CFAP20DC: variants seen among roughly 807,000 people sequenced by gnomAD.
CFAP20DC encodes the protein protein CFAP20DC.
CFAP20DC carries 84 observed loss-of-function variants against 101.7 expected under a neutral mutation model. The ratio of observed to expected loss-of-function variants is 0.83; its 90% CI spans 0.69 to 0.99. The LOEUF is 0.99. Ranked by LOEUF, CFAP20DC falls within the 50% of genes least tolerant of loss-of-function variation. CFAP20DC has a pLI of 0.00. For synonymous variants in CFAP20DC, 359 were observed against 351.2 expected (o/e 1.02, Z -0.25); for missense variants, 1,007 against 970.3 (o/e 1.04, Z -0.50).
At chr3:59,005,477 C>T (rs1196130409) in intron 4 of CFAP20DC, among the ~76,000 whole-genome samples, 2 of 152,172 alleles carry the variant, frequency 1.3e-5, no homozygotes, top group Admixed American at 6.5e-5. Flanking sequence ...ACACTATGTT[C>T]TGTGGTAAAA....
At chr3:58,765,488 A>AAAAC (rs1559559537) in intron 15 of CFAP20DC, among the ~76,000 whole-genome samples, 1 of 139,652 alleles carries the variant, frequency 7.2e-6, no homozygotes, top group Non-Finnish European at 1.5e-5. Flanking sequence ...AAAAAAAAAA[A>AAAAC]CCAAAAAAAA....
chr3:58,943,803 A>G (rs994773480), intron 4 of CFAP20DC, among the ~76,000 whole-genome samples: 2 of 152,298 alleles, frequency 1.3e-5, no homozygotes, highest in Admixed American at 6.5e-5. Flanking sequence ...TTTTAACCCA[A>G]TGCAAGGTAG....
intron 14 of CFAP20DC, among the ~76,000 whole-genome samples, chr3:58,817,997 A>C (rs1333208470): frequency 6.6e-6 from 1 of 150,886 alleles, no homozygotes; most frequent in African/African-American, 2.5e-5. Flanking sequence ...AACATTCTTA[A>C]AGAAAAGAAT....
rs1299888068 is a variant in CFAP20DC, at chr3:58,795,708, T to G, written c.2237+10687A>C. Among the ~76,000 whole-genome samples the G allele has an allele frequency of 1.3e-5, 2 of 152,152 alleles. No homozygotes were observed. The highest frequency in any genetic ancestry group is 4.8e-5 in the African/African-American group (2 of 41,444). On this transcript the variant is annotated intron_variant, in intron 15 of 16. Transcript: ENST00000482387. This position sits in a 1 kb window ranked among gnomAD's most constrained non-coding sequence, Gnocchi z 4.2. ...TCTGTCTTTTCAGACACAGAAGCCT[T>G]TGGGAGGTGAGGGGAGAAGATGTGA...
rs75000862 is a variant in CFAP20DC, at chr3:58,828,256, T to A, written c.2175+3430A>T. ...TCACTAATGTGAATAATAATGATAA[T>A]AATAATGACAGCTAAACTTCATTTA... On this transcript the variant is annotated intron_variant, in intron 14 of 16. Transcript: ENST00000482387. 9.7e-3 allele frequency among the ~76,000 whole-genome samples: 1,477 copies of A among 152,248 alleles called. 26 individuals carry two copies. The highest frequency in any genetic ancestry group is 0.034 in the African/African-American group (1,392 of 41,542).
intron 4 of CFAP20DC, among the ~76,000 whole-genome samples, chr3:58,978,583 T>C (rs2092383242): frequency 6.6e-6 from 1 of 151,666 alleles, no homozygotes; most frequent in African/African-American, 2.4e-5. Context: ...GTGGTACACG[T>C]CTGTAATCCC....
intron 4 of CFAP20DC, among the ~76,000 whole-genome samples, chr3:59,032,757 G>A (rs909185219): frequency 3.9e-5 from 6 of 152,110 alleles, no homozygotes; most frequent in East Asian, 1.9e-4. Context: ...GGGAAGGGGC[G>A]GCTGTGGGCA....
intron 15 of CFAP20DC, 101 bp from the exon 16 acceptor site, chr3:58,753,964 CT>C: frequency 1.4e-6 from 1 of 699,892 alleles, no homozygotes; most frequent in Non-Finnish European, 2.4e-6. Context: ...AAAAGAAACA[CT>C]TTTTTTCCTC....
intron 14 of CFAP20DC, among the ~76,000 whole-genome samples, chr3:58,806,943 C>T (rs572699338): frequency 2.0e-4 from 30 of 152,290 alleles, no homozygotes; most frequent in Admixed American, 4.6e-4. Flanking sequence ...AAGGGTCCTA[C>T]GCCCACGGAG....
intron 4 of CFAP20DC, among the ~76,000 whole-genome samples, chr3:59,030,551 C>A (rs1468926804): frequency 6.6e-6 from 1 of 152,106 alleles, no homozygotes; most frequent in African/African-American, 2.4e-5. Context: ...AAAACTGAAA[C>A]CATTTGGAAA....
At chr3:58,932,834 G>A (rs1384408723) in intron 5 of CFAP20DC, among the ~76,000 whole-genome samples, 1 of 152,150 alleles carries the variant, frequency 6.6e-6, no homozygotes, top group Non-Finnish European at 1.5e-5. Context: ...AAATTGTAAA[G>A]ACCATCGAGG....
At chr3:59,038,720 T>G (rs542050079) in intron 4 of CFAP20DC, among the ~76,000 whole-genome samples, 4 of 152,146 alleles carry the variant, frequency 2.6e-5, no homozygotes, top group African/African-American at 9.7e-5. Context: ...AAACCCCATA[T>G]AAGATGGTGA....
intron 13 of CFAP20DC, among the ~76,000 whole-genome samples, chr3:58,843,039 T>C (rs2077284689): frequency 6.6e-6 from 1 of 151,958 alleles, no homozygotes; most frequent in African/African-American, 2.4e-5. Flanking sequence ...AGACCAAAAG[T>C]AGATAAAACC....
Position 58,869,609 on chromosome 3 carries a change from T to C in CFAP20DC, c.853-119A>G, listed in dbSNP as rs1015897053. The C allele has an allele frequency of 1.4e-5, 10 of 705,118 alleles. No individual in the cohort carries two copies. The highest frequency in any genetic ancestry group is 2.2e-5 in the Non-Finnish European group (10 of 460,954). The allele number at this position is 705,118 out of a possible 1,614,324, so 43.7% of individuals were successfully genotyped here. A position where few individuals can be genotyped will look rare whatever the true frequency, so the allele number is the denominator to read the frequency against. The stretch of plus-strand genomic sequence containing the variant: ...AGAGTGAGAAAAAAACTAGAGGAAA[T>C]GAGGTTAAGATGTGAAGAAAAAGGA... On this transcript the variant is annotated intron_variant, in intron 8 of 16. Transcript: ENST00000482387. This position sits in a 1 kb window ranked among gnomAD's most constrained non-coding sequence, Gnocchi z 4.3.
intron 12 of CFAP20DC, among the ~76,000 whole-genome samples, chr3:58,851,745 GA>G (rs1181792346): frequency 4.0e-5 from 6 of 148,654 alleles, no homozygotes; most frequent in South Asian, 4.3e-4. Flanking sequence ...ATTACTAACT[GA>G]AAAAAAAACA....
chr3:58,777,957 C>T (rs2071485297), intron 15 of CFAP20DC, among the ~76,000 whole-genome samples: 1 of 152,208 alleles, frequency 6.6e-6, no homozygotes, highest in African/African-American at 2.4e-5. Flanking sequence ...CTGTGTCCTA[C>T]TCTGCCACTG....
intron 4 of CFAP20DC, among the ~76,000 whole-genome samples, chr3:59,019,312 T>A (rs1176941347): frequency 6.6e-6 from 1 of 152,198 alleles, no homozygotes; most frequent in East Asian, 1.9e-4. Context: ...CCTTTTCTCC[T>A]GAGCATACAA....
chr3:59,035,515 C>A (rs1158905749), intron 4 of CFAP20DC, among the ~76,000 whole-genome samples: 2 of 152,156 alleles, frequency 1.3e-5, no homozygotes, highest in Non-Finnish European at 2.9e-5. Context: ...GGGGATTTCA[C>A]CACTGATCCC....
chr3:59,003,127 A>C (rs954412923), intron 4 of CFAP20DC, among the ~76,000 whole-genome samples: 1 of 152,252 alleles, frequency 6.6e-6, no homozygotes, highest in Non-Finnish European at 1.5e-5. Context: ...AAGGCTTTAA[A>C]AATTATGAAA....
Sources: allele counts gnomAD v4.1 joint callset (sites outside exome capture counted in the v4.1 genomes callset), GRCh38; gene constraint gnomAD v4.1.1; non-coding constraint Gnocchi (gnomAD v3.1); transcripts MANE v1.5; gene names NCBI Gene and HGNC (gene_info 2026-07-23, HGNC 2026-07-21).